The following NUMA1 variants were observed in gnomAD, a reference collection of about 807,000 sequenced individuals.
NUMA1 encodes the protein nuclear mitotic apparatus protein 1.
NUMA1 carries 62 observed loss-of-function variants against 237.1 expected under a neutral mutation model. The ratio of observed to expected loss-of-function variants is 0.26; its 90% CI spans 0.21 to 0.32. NUMA1 has a LOEUF of 0.32. NUMA1 is among the 10% of genes least tolerant of loss of function. The pLI is 1.00. For synonymous variants in NUMA1, 1,028 were observed against 1,066.1 expected, an observed-to-expected ratio of 0.96 and a Z score of 0.70; for missense variants, 2,533 against 2,666.5, an observed-to-expected ratio of 0.95 and a Z score of 1.10.
chr11:72,036,735 G>C (rs7127865), intron 2 of NUMA1, among the ~76,000 whole-genome samples: 134,821 of 152,188 alleles, frequency 0.89, 60,012 homozygotes, highest in Non-Finnish European at 0.95. Context: ...ATGAAAATTA[G>C]GCACCTGTCC....
intron 13 of NUMA1, 132 bp downstream of exon 13, chr11:72,017,555 A>G (rs759678490): frequency 3.5e-6 from 4 of 1,152,318 alleles, no homozygotes; most frequent in Non-Finnish European, 3.9e-6. Flanking sequence ...CAATCTTTCA[A>G]TTACAGCACA....
chr11:72,023,152 A>G lies in NUMA1; in HGVS notation c.209-5T>C. On this transcript the variant is annotated splice_polypyrimidine_tract_variant and splice_region_variant and intron_variant, in intron 5 of 26. Transcript: ENST00000393695. Reference sequence around the variant, plus strand: ...AAGAGGGATGTTTTCGATTTTCTGCAATGACAACAACGTAGAAAACAGGGT... The same window carrying G: ...AAGAGGGATGTTTTCGATTTTCTGCGATGACAACAACGTAGAAAACAGGGT... The G allele has an allele frequency of 1.9e-6, 3 of 1,607,906 alleles. No homozygotes were observed. In the South Asian group the frequency reaches 3.3e-5, roughly 18 times the overall value.
chr11:72,035,464 A>G (rs1474215102), intron 3 of NUMA1, among the ~76,000 whole-genome samples: 1 of 150,352 alleles, frequency 6.7e-6, no homozygotes, highest in East Asian at 2.0e-4. Flanking sequence ...CTGGAGTGCA[A>G]TGGTGTGATC....
intron 2 of NUMA1, chr11:72,047,923 A>G (rs1003395302): frequency 2.6e-5 from 4 of 152,128 alleles, no homozygotes; most frequent in African/African-American, 9.7e-5. Context: ...CACAGGGGCC[A>G]TGCTAATCTC....
intron 2 of NUMA1, among the ~76,000 whole-genome samples, chr11:72,038,311 C>G (rs532941734): frequency 6.6e-6 from 1 of 152,352 alleles, no homozygotes; most frequent in South Asian, 2.1e-4. Flanking sequence ...CTGTCTAAAA[C>G]TAGTTCCACT....
chr11:72,004,020 GC>G lies in NUMA1; in HGVS notation c.6202del (p.Ala2068ProfsTer144). The G allele has an allele frequency of 6.2e-7, 1 of 1,613,380 alleles. No individual in the cohort carries two copies. Among genetic ancestry groups the G allele is most frequent in the Non-Finnish European group, 8.5e-7 (1 of 1,179,636 alleles). ...KLGNSLLRRG[A>X]SKKALSKASP... Reference sequence around the variant, plus strand: ...AGCCTTGGACAGGGCCTTCTTTGAGGCTCCCCGCCGCAGAAGGCTGTTCCCT... The same window carrying G: ...AGCCTTGGACAGGGCCTTCTTTGAGGTCCCCGCCGCAGAAGGCTGTTCCCT... On this transcript the variant is annotated frameshift_variant, in exon 26 of 27. Transcript: ENST00000393695. LOFTEE classifies it high-confidence loss of function.
intron 13 of NUMA1, 147 bp downstream of exon 13, chr11:72,017,540 G>T: frequency 3.0e-6 from 3 of 994,842 alleles, no homozygotes; most frequent in South Asian, 1.3e-5. Flanking sequence ...CTAGACTGAA[G>T]CCCACAATCT....
At chr11:72,017,507 A>AT in intron 13 of NUMA1, 180 bp downstream of exon 13, 1 of 717,052 alleles carries the variant, frequency 1.4e-6, no homozygotes, top group Non-Finnish European at 2.4e-6. Context: ...GAAAAAAAAA[A>AT]TAAGTTAAAA....
At chr11:72,024,724 A>C in intron 4 of NUMA1, 1 of 219,090 alleles carries the variant, frequency 4.6e-6, no homozygotes, top group South Asian at 6.4e-5. Flanking sequence ...GGAAGCCTGG[A>C]GAACACACCT....
At position 72,004,319 on chromosome 11, in the gene NUMA1, A is replaced by T; in HGVS notation, c.6029T>A (p.Phe2010Tyr). 1 of 1,613,040 alleles carries T rather than the reference A, an allele frequency of 6.2e-7. No homozygotes were observed. The highest frequency in any genetic ancestry group is 8.5e-7 in the Non-Finnish European group (1 of 1,179,750). The change falls in exon 25 of 27, where the codon TTC becomes TAC. Residue 2010 changes from phenylalanine (F) to tyrosine (Y), a missense_variant. Physicochemically the swap from Phe to Tyr is conservative, Grantham distance 22. Transcript: ENST00000393695. ...GTCTCGGGGAGTCATGGGGCGTGGG[A>T]AACAGCTGGTGGCCTTCTTAGACTA... ...TPESKKATSC[F>Y]PRPMTPRDRH...
chr11:72,005,520 G>A (rs1000718796), intron 22 of NUMA1, 151 bp from the exon 23 acceptor site: 34 of 676,664 alleles, frequency 5.0e-5, no homozygotes, highest in Non-Finnish European at 7.2e-5. Context: ...GCAGGAGTAC[G>A]GCACACAGAC....
chr11:72,014,205 CCTTTT>C lies in NUMA1; in HGVS notation c.3293_3297del (p.Glu1098GlyfsTer11). 1 of 1,614,050 alleles carries C rather than the reference CCTTTT, an allele frequency of 6.2e-7. No individual in the cohort carries two copies. The highest frequency in any genetic ancestry group is 8.5e-7 in the Non-Finnish European group (1 of 1,180,042). ...TGGGCTCCTGAGCCAGATGCGTGCT[CCTTTT>C]CTTTCTTAGCCAGCTGTTCCTTCAG... On this transcript the variant is annotated frameshift_variant, in exon 15 of 27. Coordinates refer to ENST00000393695, the MANE Select transcript of NUMA1 (RefSeq NM_006185.4). LOFTEE classifies it high-confidence loss of function. This position sits in a 1 kb window ranked among gnomAD's most constrained non-coding sequence, Gnocchi z 4.6.
At chr11:72,048,301 T>C (rs768626873) in intron 2 of NUMA1, among the ~76,000 whole-genome samples, 2 of 151,936 alleles carry the variant, frequency 1.3e-5, no homozygotes, top group African/African-American at 4.8e-5. Context: ...TAGGCAATCA[T>C]TGAGTGAATG....
chr11:72,027,161 T>C (rs573127624), intron 4 of NUMA1, among the ~76,000 whole-genome samples: 1 of 152,342 alleles, frequency 6.6e-6, no homozygotes, highest in African/African-American at 2.4e-5. Context: ...AGTTCCTTGA[T>C]CTATTTTGAA....
intron 23 of NUMA1, 44 bp downstream of exon 23, chr11:72,005,189 G>A (rs2852364): frequency 6.5e-7 from 1 of 1,526,802 alleles, no homozygotes; most frequent in Non-Finnish European, 8.8e-7. Flanking sequence ...GATTCCAAGG[G>A]AGGGCAGGGA....
rs1417212094 is a variant in NUMA1, at chr11:72,007,123, G to C, written c.5463+66C>G. On this transcript the variant is annotated intron_variant, in intron 21 of 26. Coordinates refer to ENST00000393695, the MANE Select transcript of NUMA1 (RefSeq NM_006185.4). ...CTCCCTGCTCCTGACTGAGTGCCCA[G>C]TGCAAAGATGCCCTTGAGAGGAAGT... is the stretch of plus-strand genomic sequence containing the variant. 7 of 1,579,376 alleles carry C rather than the reference G, an allele frequency of 4.4e-6. No homozygotes were observed. In the East Asian group the frequency reaches 1.3e-4, roughly 30 times the overall value.
chr11:72,022,124 TA>T, intron 7 of NUMA1: 1 of 452,932 alleles, frequency 2.2e-6, no homozygotes, highest in East Asian at 3.9e-5. Context: ...GTACATCCTT[TA>T]AAAAGTTAGC....
At chr11:72,044,305 G>A (rs1197240828) in intron 2 of NUMA1, among the ~76,000 whole-genome samples, 1 of 152,128 alleles carries the variant, frequency 6.6e-6, no homozygotes, top group Non-Finnish European at 1.5e-5. Flanking sequence ...CCTATAAGGT[G>A]TCCAACACAC....
chr11:72,018,722 G>T, intron 10 of NUMA1, 101 bp downstream of exon 10: 2 of 1,412,358 alleles, frequency 1.4e-6, no homozygotes, highest in Non-Finnish European at 1.9e-6. Context: ...CCAGGGCTGA[G>T]CTCTCAGCTC....
Sources: allele counts gnomAD v4.1 joint callset (sites outside exome capture counted in the v4.1 genomes callset), GRCh38; gene constraint gnomAD v4.1.1; non-coding constraint Gnocchi (gnomAD v3.1); transcripts MANE v1.5; gene names NCBI Gene and HGNC (gene_info 2026-07-23, HGNC 2026-07-21).